CFAP300: variants seen among roughly 807,000 people sequenced by gnomAD.
The protein encoded by CFAP300 is cilia and flagella associated protein 300.
In CFAP300, 32 loss-of-function variants were observed where a neutral mutation model predicts 33.0. That is an observed-to-expected ratio of 0.97 (90% CI 0.73 to 1.30). The LOEUF (loss-of-function observed/expected upper bound fraction) is 1.30. CFAP300 is among the 50% of genes most tolerant of loss of function. CFAP300 has a pLI of 0.00. For missense variants in CFAP300, 356 were observed against 318.1 expected (o/e 1.12, Z -0.90); for synonymous variants, 102 against 106.8 (o/e 0.95, Z 0.28).
chr11:102,082,679 T>A (rs2135054802), intron 6 of CFAP300, among the ~76,000 whole-genome samples: 1 of 152,316 alleles, frequency 6.6e-6, no homozygotes, highest in Non-Finnish European at 1.5e-5. Flanking sequence ...ATATTGATTA[T>A]CACTTAAATG....
chr11:102,062,077 G>C (rs1942156491), intron 3 of CFAP300, among the ~76,000 whole-genome samples: 1 of 152,070 alleles, frequency 6.6e-6, no homozygotes, highest in Admixed American at 6.6e-5. Context: ...ACTAGGGTGG[G>C]GCCCTCATGG....
At chr11:102,053,775 C>T (rs1942008567) in intron 2 of CFAP300, among the ~76,000 whole-genome samples, 1 of 152,188 alleles carries the variant, frequency 6.6e-6, no homozygotes, top group African/African-American at 2.4e-5. Flanking sequence ...GATCAAAATA[C>T]TGATCAAGAT....
At chr11:102,061,925 A>T (rs1001594904) in intron 3 of CFAP300, among the ~76,000 whole-genome samples, 1 of 152,208 alleles carries the variant, frequency 6.6e-6, no homozygotes, top group Non-Finnish European at 1.5e-5. Context: ...TAATTTAATG[A>T]AATTCCTACA....
rs1485916702 is a variant in CFAP300 at position 102,083,213 on chromosome 11, T to G, written c.*14T>G. ...GACATGTCTTAATGTTCTTTCAGAT[T>G]ATGTACCTCTACTATTTTGTATTTA... On this transcript the variant is annotated 3_prime_UTR_variant, in exon 7 of 7. Coordinates refer to ENST00000434758, the MANE Select transcript of CFAP300 (RefSeq NM_032930.3). The G allele has an allele frequency of 1.4e-6, 2 of 1,454,174 alleles. No individual in the cohort carries two copies. Among genetic ancestry groups the G allele is most frequent in the Non-Finnish European group, 1.8e-6 (2 of 1,088,820 alleles). The allele number at this position is 1,454,174 out of a possible 1,614,324, so 90.1% of individuals were successfully genotyped here.
In CFAP300 at chr11:102,062,500, A is replaced by AT. The variant is rs527400160; in HGVS notation, c.268+3546dup. ...AACTGGGGTAAAGGTGATCTTTGTT[A>AT]TAAAGTGGCAAATAACTTGGATGAA... On this transcript the variant is annotated intron_variant, in intron 3 of 6. Coordinates refer to ENST00000434758, the MANE Select transcript of CFAP300 (RefSeq NM_032930.3). 1.2e-3 allele frequency among the ~76,000 whole-genome samples: 181 copies of AT among 152,296 alleles called. 1 individual carries two copies. The South Asian group carries it at 0.017, about 14-fold the overall frequency.
At chr11:102,070,896 C>T (rs145744068) in intron 4 of CFAP300, among the ~76,000 whole-genome samples, 2 of 152,210 alleles carry the variant, frequency 1.3e-5, no homozygotes, top group South Asian at 2.1e-4. Flanking sequence ...TATTCCATTG[C>T]AGTATGAGAA....
At position 102,069,047 on chromosome 11, in the gene CFAP300, A is replaced by T. The variant is rs180831163; in HGVS notation, c.435+2396A>T. Among the ~76,000 whole-genome samples the T allele has an allele frequency of 4.7e-3, 712 of 152,214 alleles. 6 individuals carry two copies. The highest frequency in any genetic ancestry group is 0.014 in the Middle Eastern group (4 of 294). ...AGCATCATCAGTGGACATTTTTTTT[A>T]AAAAAGAAGTATTAGTTTTCCAACA... On this transcript the variant is annotated intron_variant, in intron 4 of 6. Transcript: ENST00000434758.
At chr11:102,059,086 A>G in intron 3 of CFAP300, 131 bp downstream of exon 3, 1 of 563,496 alleles carries the variant, frequency 1.8e-6, no homozygotes, top group Non-Finnish European at 3.1e-6. Context: ...AAATATGACC[A>G]GCTGTGCCAG....
intron 4 of CFAP300, among the ~76,000 whole-genome samples, chr11:102,068,655 T>C (rs1942263851): frequency 6.6e-6 from 1 of 152,020 alleles, no homozygotes; most frequent in African/African-American, 2.4e-5. Flanking sequence ...GGTGTGGTGG[T>C]GGGTGCCTCT....
At chr11:102,047,650 T>A in intron 1 of CFAP300, 70 bp downstream of exon 1, 1 of 1,485,592 alleles carries the variant, frequency 6.7e-7, no homozygotes, top group Non-Finnish European at 9.1e-7. Flanking sequence ...AGGCCGGGCG[T>A]CGAGGGGCCC....
intron 4 of CFAP300, among the ~76,000 whole-genome samples, chr11:102,072,835 G>T (rs1565396188): frequency 6.6e-6 from 1 of 152,124 alleles, no homozygotes; most frequent in Non-Finnish European, 1.5e-5. Context: ...GTTGGGTAGA[G>T]CATTTTGGTT....
chr11:102,083,098 G>A lies in CFAP300; in HGVS notation c.703G>A (p.Ala235Thr), dbSNP rs1219589747. ...TTCTGCTGGTATGTGCTATCCTTCA[G>A]CAAAGAATCATGAACAGACATTTTC... ...YDSAGMCYPS[A>T]KNHEQTFSYF... is the part of the protein sequence containing the mutation. Residue 235 changes from alanine (A) to threonine (T), a missense_variant, in exon 7 of 7, where the codon GCA becomes ACA. Transcript: ENST00000434758. 1.3e-6 allele frequency: 2 copies of A among 1,526,688 alleles called. No homozygotes were observed. The highest frequency in any genetic ancestry group is 3.8e-5 in the Admixed American group (2 of 52,566). The allele number at this position is 1,526,688 out of a possible 1,614,324, so 94.6% of individuals were successfully genotyped here. A position where few individuals can be genotyped will look rare whatever the true frequency, so the allele number is the denominator to read the frequency against.
intron 5 of CFAP300, among the ~76,000 whole-genome samples, chr11:102,079,727 T>C (rs955277390): frequency 2.0e-5 from 3 of 152,208 alleles, no homozygotes; most frequent in African/African-American, 7.2e-5. Flanking sequence ...ATTTTACCTA[T>C]ACATGTCACA....
chr11:102,072,658 C>T (rs1041674576), intron 4 of CFAP300, among the ~76,000 whole-genome samples: 13 of 151,996 alleles, frequency 8.6e-5, no homozygotes, highest in Non-Finnish European at 1.8e-4. Context: ...TTTATTAAAT[C>T]TGTTGCTAGA....
intron 2 of CFAP300, among the ~76,000 whole-genome samples, chr11:102,054,355 A>C (rs1017486468): frequency 1.3e-5 from 2 of 152,066 alleles, no homozygotes; most frequent in Non-Finnish European, 2.9e-5. Context: ...AGCACTGTCC[A>C]TTGGATTTTA....
chr11:102,049,054 A>G (rs1257251382), intron 2 of CFAP300, among the ~76,000 whole-genome samples: 3 of 152,234 alleles, frequency 2.0e-5, no homozygotes, highest in Admixed American at 2.0e-4. Flanking sequence ...TGAAAAAACA[A>G]TCTGATTATT....
At chr11:102,060,409 G>A (rs11225116) in intron 3 of CFAP300, among the ~76,000 whole-genome samples, 6,297 of 151,722 alleles carry the variant, frequency 0.042, 213 homozygotes, top group Admixed American at 0.12. Context: ...GAGCCACCGC[G>A]CCCAGCTAGA....
At position 102,064,700 on chromosome 11, in the gene CFAP300, C is replaced by T. The variant is rs957369980; in HGVS notation, c.269-1785C>T. Among the ~76,000 whole-genome samples the T allele has an allele frequency of 1.2e-4, 19 of 152,200 alleles. 1 individual carries two copies. The highest frequency in any genetic ancestry group is 3.3e-4 in the Admixed American group (5 of 15,278). On this transcript the variant is annotated intron_variant, in intron 3 of 6. Coordinates refer to ENST00000434758, the MANE Select transcript of CFAP300 (RefSeq NM_032930.3). ...GGTAGGGATACACCGAGGGCCACCACACCTAGGTCTACAATCTTAGAGCTT... is the reference window on the plus strand; with the variant it reads ...GGTAGGGATACACCGAGGGCCACCATACCTAGGTCTACAATCTTAGAGCTT...
At chr11:102,072,811 T>G (rs1251728547) in intron 4 of CFAP300, among the ~76,000 whole-genome samples, 1 of 152,212 alleles carries the variant, frequency 6.6e-6, no homozygotes, top group African/African-American at 2.4e-5. Flanking sequence ...CCCGAAGATG[T>G]ACTTACGGTG....
Sources: gnomAD v4.1 joint callset for allele counts (sites outside exome capture counted in the v4.1 genomes callset) on GRCh38, gnomAD v4.1.1 for gene constraint, MANE v1.5 for transcripts, NCBI Gene and HGNC (gene_info 2026-07-23, HGNC 2026-07-21) for gene names.